The following DNM1L variants were observed in gnomAD, a reference collection of about 807,000 sequenced individuals.
The protein encoded by DNM1L is dynamin-1-like protein.
DNM1L carries 33 observed loss-of-function variants against 92.8 expected under a neutral mutation model. The ratio of observed to expected loss-of-function variants is 0.36; its 90% CI spans 0.27 to 0.48. The LOEUF is 0.48. DNM1L is among the 20% of genes least tolerant of loss of function. The pLI is 0.99. For missense variants in DNM1L, 485 were observed against 888.8 expected (o/e 0.55, Z 5.78); for synonymous variants, 284 against 305.0 (o/e 0.93, Z 0.72).
intron 1 of DNM1L, among the ~76,000 whole-genome samples, chr12:32,682,256 C>G (rs566660031): frequency 6.6e-6 from 1 of 152,256 alleles, no homozygotes; most frequent in African/African-American, 2.4e-5. Context: ...CCTCAGCCTC[C>G]CACATAGCTG....
rs1555126034 is a variant in DNM1L, at chr12:32,731,807, A to AAAAAAAAC, written c.1357-41_1357-40insACAAAAAA. 787 of 1,518,324 alleles carry AAAAAAAAC rather than the reference A, an allele frequency of 5.2e-4. 1 individual carries two copies. The highest frequency in any genetic ancestry group is 6.8e-4 in the Middle Eastern group (4 of 5,854). 94.1% of individuals were successfully genotyped at this position (1,518,324 alleles called of 1,614,324 possible). On this transcript the variant is annotated intron_variant, in intron 11 of 19. Transcript: ENST00000549701. This position sits in a 1 kb window ranked among gnomAD's most constrained non-coding sequence, Gnocchi z 5.1. ...TGGCTTAGTGAGACTATGACTTAAA[A>AAAAAAAAC]AAAAAACAAAAAACAAACACGTTTT...
Position 32,743,716 on chromosome 12 carries a change from C to T in DNM1L, c.*306C>T, listed in dbSNP as rs1413355655. On this transcript the variant is annotated 3_prime_UTR_variant, in exon 20 of 20. Transcript: ENST00000549701. ...TGTTCTAGTTGTGCAAAGCAGTTTG[C>T]CTGTGGATAAGATGACCTGTGTAAT... The T allele has an allele frequency of 1.1e-5, 4 of 377,452 alleles. No individual in the cohort carries two copies. Among genetic ancestry groups the T allele is most frequent in the Non-Finnish European group, 2.0e-5 (4 of 204,786 alleles). 23.4% of individuals were successfully genotyped at this position (377,452 alleles called of 1,614,324 possible). A position where few individuals can be genotyped will look rare whatever the true frequency, so the allele number is the denominator to read the frequency against.
chr12:32,712,604 C>G (rs932728371), intron 5 of DNM1L, among the ~76,000 whole-genome samples: 4 of 134,616 alleles, frequency 3.0e-5, no homozygotes, highest in Non-Finnish European at 4.6e-5. Flanking sequence ...GAGCTATGAT[C>G]GCACCACTGC....
At chr12:32,720,527 C>A in intron 7 of DNM1L, 137 bp from the exon 8 acceptor site, 2 of 1,303,696 alleles carry the variant, frequency 1.5e-6, no homozygotes, top group Non-Finnish European at 2.1e-6. Context: ...ATAATACCTG[C>A]CACATAAAAT....
At chr12:32,714,270 ATTTTTT>A (rs764641583) in intron 6 of DNM1L, among the ~76,000 whole-genome samples, 1 of 134,634 alleles carries the variant, frequency 7.4e-6, no homozygotes. Flanking sequence ...CACTTTAACA[ATTTTTT>A]TTTTTTTTTT....
Position 32,742,745 on chromosome 12 carries a change from A to G in DNM1L, c.2151A>G (p.Leu717=), listed in dbSNP as rs149256584. 43 of 1,614,118 alleles carry G rather than the reference A, an allele frequency of 2.7e-5. No homozygotes were observed. The African/African-American group carries it at 5.3e-4, about 20-fold the overall frequency. The change falls in exon 19 of 20, where the codon CTA becomes CTG. Residue 717 remains leucine, a synonymous_variant. Coordinates refer to ENST00000549701, the MANE Select transcript of DNM1L (RefSeq NM_012062.5). The part of the protein sequence containing the change: ...AQRRKEAADM[L]KALQGASQII... ...GCAGGAAAGAAGCAGCTGATATGCT[A>G]AAGGTATTGTGGACCTTTTGATTTT...
intron 6 of DNM1L, among the ~76,000 whole-genome samples, chr12:32,715,134 C>T (rs1478125443): frequency 6.7e-6 from 1 of 150,008 alleles, no homozygotes; most frequent in African/African-American, 2.5e-5. Flanking sequence ...ACTCTGTTGC[C>T]CAGGCCTGGA....
intron 1 of DNM1L, among the ~76,000 whole-genome samples, chr12:32,696,369 TACACACACACACAA>T (rs1565495771): frequency 8.8e-6 from 1 of 113,284 alleles, no homozygotes; most frequent in Non-Finnish European, 1.8e-5. Flanking sequence ...AGACCCTGTC[TACACACACACACAA>T]ACACACACAC....
Position 32,731,191 on chromosome 12 carries a change from C to A in DNM1L, c.1200+57C>A. 2 of 1,609,086 alleles carry A rather than the reference C, an allele frequency of 1.2e-6. No homozygotes were observed. Among genetic ancestry groups the A allele is most frequent in the South Asian group, 2.2e-5 (2 of 90,552 alleles). ...AAAAATGAGGTTAAAGTTTTTCTTACCCATATACTGTGTCTTTTTAAATTT... is the reference window on the plus strand; with the variant it reads ...AAAAATGAGGTTAAAGTTTTTCTTAACCATATACTGTGTCTTTTTAAATTT... On this transcript the variant is annotated intron_variant, in intron 10 of 19. Transcript: ENST00000549701. This position sits in a 1 kb window ranked among gnomAD's most constrained non-coding sequence, Gnocchi z 5.1.
chr12:32,697,489 C>T (rs10844307), intron 1 of DNM1L, among the ~76,000 whole-genome samples: 7 of 151,942 alleles, frequency 4.6e-5, no homozygotes, highest in Admixed American at 3.9e-4. Context: ...TAATAATGTT[C>T]GTGGTGGTAG....
intron 3 of DNM1L, among the ~76,000 whole-genome samples, 179 bp from the exon 4 acceptor site, chr12:32,707,974 G>GA (rs1357746760): frequency 1.3e-5 from 2 of 150,180 alleles, no homozygotes; most frequent in Admixed American, 1.3e-4. Flanking sequence ...AAGCCAAACA[G>GA]AAAAAAACTC....
At chr12:32,721,966 G>A (rs189142158) in intron 8 of DNM1L, among the ~76,000 whole-genome samples, 25 of 152,194 alleles carry the variant, frequency 1.6e-4, no homozygotes, top group African/African-American at 6.0e-4. Flanking sequence ...CTGGGCATGT[G>A]GGAAGGAATG....
intron 2 of DNM1L, chr12:32,705,367 AC>A (rs1952882795): frequency 6.6e-6 from 1 of 152,388 alleles, no homozygotes; most frequent in Non-Finnish European, 1.5e-5. Flanking sequence ...TGGTCACATA[AC>A]TTTTTTATTA....
intron 1 of DNM1L, among the ~76,000 whole-genome samples, chr12:32,684,914 C>T (rs973217858): frequency 6.7e-6 from 1 of 150,004 alleles, no homozygotes; most frequent in Non-Finnish European, 1.5e-5. Flanking sequence ...TGCGAACATT[C>T]GTTTACAAGT....
intron 4 of DNM1L, 31 bp from the exon 5 acceptor site, chr12:32,710,898 A>C: frequency 6.7e-7 from 1 of 1,491,202 alleles, no homozygotes; most frequent in Non-Finnish European, 9.2e-7. Flanking sequence ...AGTTCATTGA[A>C]ATTTTAATAT....
rs566790857 is a variant in DNM1L at position 32,688,946 on chromosome 12, C to G, written c.102+9481C>G. Among the ~76,000 whole-genome samples, 6 of 152,068 alleles carry G rather than the reference C, an allele frequency of 3.9e-5. No individual in the cohort carries two copies. The South Asian group carries it at 1.2e-3, about 32-fold the overall frequency. On this transcript the variant is annotated intron_variant, in intron 1 of 19. Transcript: ENST00000549701. ...AGTGTGGTGGCCTGTGCCTGTAGTC[C>G]CTTTTACTTGGGAGACCTGGTGGCA...
chr12:32,717,914 A>C (rs1255250450), intron 6 of DNM1L, among the ~76,000 whole-genome samples: 4 of 82,280 alleles, frequency 4.9e-5, no homozygotes, highest in African/African-American at 2.2e-4. Flanking sequence ...TATATATATA[A>C]AATATAGTAT....
At chr12:32,717,300 A>G (rs1252082067) in intron 6 of DNM1L, among the ~76,000 whole-genome samples, 3 of 91,644 alleles carry the variant, frequency 3.3e-5, no homozygotes, top group Non-Finnish European at 5.9e-5. Context: ...TATATTTTAT[A>G]TATACTATAT....
intron 6 of DNM1L, among the ~76,000 whole-genome samples, chr12:32,717,037 C>T (rs1340030691): frequency 1.4e-5 from 2 of 138,582 alleles, no homozygotes; most frequent in Admixed American, 8.0e-5. Context: ...ACAATTTTAC[C>T]TATGGTATTT....
Sources: gnomAD v4.1 joint callset for allele counts (sites outside exome capture counted in the v4.1 genomes callset) on GRCh38, gnomAD v4.1.1 for gene constraint, Gnocchi (gnomAD v3.1) non-coding constraint, MANE v1.5 for transcripts, NCBI Gene and HGNC (gene_info 2026-07-23, HGNC 2026-07-21) for gene names.